Variants in CCDC138 observed in about 807,000 individuals in gnomAD.
The protein encoded by CCDC138 is coiled-coil domain containing 138.
Under a neutral mutation model 82.3 loss-of-function variants are expected in CCDC138, and 66 were observed. The observed-to-expected ratio is 0.80, with a 90% confidence interval of 0.66 to 0.98. The LOEUF (loss-of-function observed/expected upper bound fraction) is 0.98, where lower values mean the gene tolerates loss of function less well. Ranked by LOEUF, CCDC138 falls within the 50% of genes least tolerant of loss-of-function variation. The pLI is 0.00. For synonymous variants in CCDC138, 297 were observed against 265.4 expected (o/e 1.12, Z -1.16); for missense variants, 816 against 758.9 (o/e 1.08, Z -0.88).
chr2:108,806,268 T>C (rs1283636908), intron 7 of CCDC138, among the ~76,000 whole-genome samples: 1 of 152,216 alleles, frequency 6.6e-6, no homozygotes, highest in Admixed American at 6.5e-5. Context: ...TACCACTCTC[T>C]TGTGAGGATT....
At chr2:108,879,272 TAC>T (rs1287716863), downstream of CCDC138, among the ~76,000 whole-genome samples, 2 of 152,356 alleles carry the variant, frequency 1.3e-5, no homozygotes, top group East Asian at 3.9e-4. Flanking sequence ...GTGCCTAGCC[TAC>T]AGTCTTTTAT....
intron 6 of CCDC138, 39 bp downstream of exon 6, chr2:108,798,625 T>G (rs760386396): frequency 6.1e-6 from 9 of 1,467,484 alleles, no homozygotes; most frequent in Non-Finnish European, 7.4e-6. Context: ...GGTATATTTC[T>G]TCTTTTCTTC....
intron 13 of CCDC138, among the ~76,000 whole-genome samples, chr2:108,872,262 T>C (rs6717214): frequency 0.87 from 132,404 of 152,056 alleles, 58,057 homozygotes; most frequent in East Asian, 1. Flanking sequence ...CTGCCATTGG[T>C]GCCCAAAATT....
intron 12 of CCDC138, among the ~76,000 whole-genome samples, chr2:108,847,972 A>G (rs1181377296): frequency 6.6e-6 from 1 of 152,112 alleles, no homozygotes; most frequent in African/African-American, 2.4e-5. Flanking sequence ...TTCGCCACAG[A>G]CCTATCTCCA....
chr2:108,788,365 A>G (rs1300988276), intron 2 of CCDC138, among the ~76,000 whole-genome samples: 1 of 151,506 alleles, frequency 6.6e-6, no homozygotes, highest in Non-Finnish European at 1.5e-5. Context: ...GGTTGCAGTG[A>G]GCCGAGATGG....
At chr2:108,852,950 C>T (rs1691765649) in intron 12 of CCDC138, among the ~76,000 whole-genome samples, 1 of 152,124 alleles carries the variant, frequency 6.6e-6, no homozygotes, top group Non-Finnish European at 1.5e-5. Flanking sequence ...TAATGTGTCA[C>T]TGAGAGGATA....
intron 13 of CCDC138, among the ~76,000 whole-genome samples, chr2:108,872,140 TAAAC>T (rs1695355130): frequency 6.6e-6 from 1 of 152,196 alleles, no homozygotes; most frequent in African/African-American, 2.4e-5. Flanking sequence ...ACTTAGTAAA[TAAAC>T]ATTGCTTTGT....
chr2:108,817,089 T>C (rs1236390147), intron 10 of CCDC138, among the ~76,000 whole-genome samples: 5 of 152,130 alleles, frequency 3.3e-5, no homozygotes, highest in East Asian at 1.9e-4. Context: ...GTTCAAACCA[T>C]AGCACATGGC....
At position 108,798,545 on chromosome 2, in the gene CCDC138, G is replaced by A; in HGVS notation, c.694G>A (p.Val232Ile). Residue 232 changes from valine to isoleucine, a missense_variant, in exon 6 of 15, where the codon GTT becomes ATT. Coordinates refer to ENST00000295124, the MANE Select transcript of CCDC138 (RefSeq NM_144978.3). ...AAATGCCTTGAGTAAAATTAAAGGTGTTGAAGAAGAGGTTCTTACAAGATT... is the reference window on the plus strand; with the variant it reads ...AAATGCCTTGAGTAAAATTAAAGGTATTGAAGAAGAGGTTCTTACAAGATT... ...HENALSKIKG[V>I]EEEVLTRFQI... The A allele has an allele frequency of 6.2e-7, 1 of 1,613,486 alleles. No individual in the cohort carries two copies. Among genetic ancestry groups the A allele is most frequent in the South Asian group, 1.1e-5 (1 of 91,012 alleles).
intron 4 of CCDC138, among the ~76,000 whole-genome samples, chr2:108,792,191 A>C (rs1019782830): frequency 7.2e-5 from 11 of 152,182 alleles, no homozygotes; most frequent in African/African-American, 2.7e-4. Flanking sequence ...ATTTCAAGGA[A>C]TGAGACAACC....
chr2:108,805,428 TTATA>T (rs1682690707), intron 7 of CCDC138, among the ~76,000 whole-genome samples: 1 of 152,206 alleles, frequency 6.6e-6, no homozygotes, highest in Admixed American at 6.5e-5. Flanking sequence ...GTATACTTAT[TTATA>T]TAAGTATTGC....
intron 10 of CCDC138, among the ~76,000 whole-genome samples, chr2:108,835,022 A>G (rs988256902): frequency 7.2e-5 from 11 of 152,246 alleles, no homozygotes; most frequent in Non-Finnish European, 1.5e-4. Context: ...ATTGTTTTGC[A>G]CTTGCATTGA....
intron 10 of CCDC138, among the ~76,000 whole-genome samples, chr2:108,832,743 A>T (rs1687916890): frequency 6.6e-6 from 1 of 152,204 alleles, no homozygotes; most frequent in South Asian, 2.1e-4. Flanking sequence ...AAGGATGAGT[A>T]GGTTTTTGTG....
chr2:108,792,351 T>G (rs1680042447), intron 4 of CCDC138, among the ~76,000 whole-genome samples: 1 of 152,242 alleles, frequency 6.6e-6, no homozygotes, highest in Middle Eastern at 3.2e-3. Flanking sequence ...TCTCATCATT[T>G]GAGGAAGATG....
At chr2:108,810,851 C>A (rs184222600) in intron 7 of CCDC138, among the ~76,000 whole-genome samples, 34 of 152,262 alleles carry the variant, frequency 2.2e-4, no homozygotes, top group Non-Finnish European at 4.4e-4. Flanking sequence ...TACTACAATT[C>A]AATCTTGTTA....
At chr2:108,868,223 C>T (rs546044688) in intron 13 of CCDC138, among the ~76,000 whole-genome samples, 3 of 148,344 alleles carry the variant, frequency 2.0e-5, no homozygotes, top group South Asian at 4.9e-4. Context: ...TCTTAAGTTA[C>T]TCGCGATAGA....
intron 13 of CCDC138, among the ~76,000 whole-genome samples, chr2:108,873,223 G>C (rs1695543047): frequency 6.6e-6 from 1 of 152,044 alleles, no homozygotes; most frequent in African/African-American, 2.4e-5. Context: ...TTGCCTAATA[G>C]GAATTTAATA....
At chr2:108,854,953 C>T (rs1437110492) in intron 12 of CCDC138, among the ~76,000 whole-genome samples, 1 of 152,166 alleles carries the variant, frequency 6.6e-6, no homozygotes, top group Middle Eastern at 3.4e-3. Flanking sequence ...TAATGGAAAA[C>T]CATATTTCAT....
intron 13 of CCDC138, among the ~76,000 whole-genome samples, chr2:108,860,786 G>C (rs1693429956): frequency 1.3e-5 from 2 of 151,882 alleles, no homozygotes; most frequent in South Asian, 2.1e-4. Context: ...GTCTTTGCCA[G>C]ATTTTGGCAT....
Sources: gnomAD v4.1 joint callset for allele counts (sites outside exome capture counted in the v4.1 genomes callset) on GRCh38, gnomAD v4.1.1 for gene constraint, MANE v1.5 for transcripts, NCBI Gene and HGNC (gene_info 2026-07-23, HGNC 2026-07-21) for gene names.